Variants in WWP2 observed in about 807,000 individuals in gnomAD.
WWP2 encodes the protein WW domain containing E3 ubiquitin protein ligase 2.
Under a neutral mutation model 121.0 loss-of-function variants are expected in WWP2, and 57 were observed. The ratio of observed to expected loss-of-function variants is 0.47; its 90% confidence interval spans 0.38 to 0.59. WWP2 has a LOEUF of 0.59. WWP2 is among the 20% of genes least tolerant of loss of function. WWP2 has a pLI of 0.00. For synonymous variants in WWP2, 449 were observed against 441.3 expected, an observed-to-expected ratio of 1.02 and a Z score of -0.22; for missense variants, 962 against 1,158.9, an observed-to-expected ratio of 0.83 and a Z score of 2.47.
chr16:69,883,436 T>C (rs1408705789), intron 7 of WWP2, among the ~76,000 whole-genome samples: 1 of 150,314 alleles, frequency 6.7e-6, no homozygotes, highest in Non-Finnish European at 1.5e-5. Flanking sequence ...ACTCATTTAC[T>C]CCTACTTTTT....
At chr16:69,917,421 A>G (rs921253670) in intron 9 of WWP2, among the ~76,000 whole-genome samples, 1 of 152,214 alleles carries the variant, frequency 6.6e-6, no homozygotes, top group African/African-American at 2.4e-5. Context: ...CTGGCTCAAC[A>G]TACATCACAT....
intron 8 of WWP2, among the ~76,000 whole-genome samples, chr16:69,904,096 T>C (rs1296795159): frequency 2.0e-5 from 3 of 152,226 alleles, no homozygotes; most frequent in African/African-American, 7.2e-5. Flanking sequence ...TTAATACTTA[T>C]CCTTAAGCCA....
At chr16:69,858,048 G>A (rs1952653986) in intron 6 of WWP2, among the ~76,000 whole-genome samples, 1 of 152,036 alleles carries the variant, frequency 6.6e-6, no homozygotes, top group African/African-American at 2.4e-5. Flanking sequence ...TTATTTTGTA[G>A]TGGAGAATGG....
intron 2 of WWP2, among the ~76,000 whole-genome samples, chr16:69,791,208 C>T (rs563241975): frequency 6.6e-6 from 1 of 151,594 alleles, no homozygotes; most frequent in South Asian, 2.1e-4. Flanking sequence ...GCCACGCACA[C>T]TTACTTCTTT....
intron 6 of WWP2, among the ~76,000 whole-genome samples, chr16:69,862,943 G>T (rs1371122515): frequency 1.3e-5 from 2 of 151,730 alleles, no homozygotes; most frequent in African/African-American, 4.8e-5. Flanking sequence ...GCCAGGCTGG[G>T]TTTGCACTCT....
intron 10 of WWP2, among the ~76,000 whole-genome samples, chr16:69,922,375 A>C (rs745881597): frequency 2.6e-5 from 4 of 152,148 alleles, no homozygotes; most frequent in Non-Finnish European, 4.4e-5. Flanking sequence ...TATTACTGGA[A>C]CTTTGTGCTT....
intron 1 of WWP2, among the ~76,000 whole-genome samples, chr16:69,771,449 G>C (rs967435822): frequency 1.3e-5 from 2 of 152,136 alleles, no homozygotes; most frequent in Non-Finnish European, 2.9e-5. Flanking sequence ...GTTTCCCCAT[G>C]TTGGCCAGGC....
intron 7 of WWP2, 46 bp downstream of exon 7, chr16:69,871,977 C>T: frequency 6.3e-7 from 1 of 1,585,090 alleles, no homozygotes; most frequent in East Asian, 2.3e-5. Context: ...GCTGTGGGCT[C>T]TCACCCGTTC....
intron 8 of WWP2, among the ~76,000 whole-genome samples, chr16:69,889,149 A>G (rs1398430589): frequency 1.4e-5 from 2 of 147,418 alleles, no homozygotes; most frequent in Admixed American, 1.4e-4. Flanking sequence ...TCCTGCCTAC[A>G]CACACACACA....
At chr16:69,882,999 A>C (rs2057857905) in intron 7 of WWP2, among the ~76,000 whole-genome samples, 1 of 151,944 alleles carries the variant, frequency 6.6e-6, no homozygotes, top group African/African-American at 2.4e-5. Flanking sequence ...CTAAAAATAC[A>C]AAAATTAGCC....
chr16:69,798,983 T>C lies in WWP2; in HGVS notation c.218+154T>C, dbSNP rs141753291. The C allele has an allele frequency of 1.9e-4, 250 of 1,344,956 alleles. 1 individual carries two copies. In the East Asian group the frequency reaches 4.9e-3, roughly 26 times the overall value. The allele number at this position is 1,344,956 out of a possible 1,614,324, so 83.3% of individuals were successfully genotyped here. Reference sequence around the variant, plus strand: ...ACTCTTTTTAGGTGTTCCTACACCATTGAGCTCATAGAGCGTTCATTATTA... The same window carrying C: ...ACTCTTTTTAGGTGTTCCTACACCACTGAGCTCATAGAGCGTTCATTATTA... On this transcript the variant is annotated intron_variant, in intron 3 of 23. Transcript: ENST00000359154.
intron 7 of WWP2, among the ~76,000 whole-genome samples, chr16:69,881,393 G>A (rs2057827310): frequency 6.6e-6 from 1 of 152,210 alleles, no homozygotes; most frequent in South Asian, 2.1e-4. Context: ...TAAGGGCATT[G>A]GGAGGATCAA....
Position 69,799,963 on chromosome 16 carries a change from TG to T in WWP2, c.340+670del, listed in dbSNP as rs2056127090. ...CCTCTATTCAGAGCAGTACCATATG[TG>T]GCGAATGAATGGCATGGAAAGAAAG... On this transcript the variant is annotated intron_variant, in intron 4 of 23. Transcript: ENST00000359154. This position sits in a 1 kb window ranked among gnomAD's most constrained non-coding sequence, Gnocchi z 4.5. 6.6e-6 allele frequency among the ~76,000 whole-genome samples: 1 copy of T among 150,644 alleles called. No individual in the cohort carries two copies. The highest frequency in any genetic ancestry group is 1.5e-5 in the Non-Finnish European group (1 of 67,884).
chr16:69,802,594 C>G (rs2056191603), intron 4 of WWP2, among the ~76,000 whole-genome samples: 1 of 112,936 alleles, frequency 8.9e-6, no homozygotes, highest in Admixed American at 1.2e-4. Context: ...GAAGATTTTT[C>G]TTTCCTTTTG....
intron 4 of WWP2, among the ~76,000 whole-genome samples, chr16:69,811,873 A>G (rs1233535841): frequency 6.6e-6 from 1 of 152,220 alleles, no homozygotes. Context: ...TGTTCTTCTG[A>G]GCCATTTTAG....
chr16:69,828,891 T>A (rs985981802), intron 4 of WWP2, among the ~76,000 whole-genome samples: 6 of 152,162 alleles, frequency 3.9e-5, no homozygotes, highest in Admixed American at 1.3e-4. Context: ...TTTGAATCAC[T>A]TCTGAGCTCT....
intron 4 of WWP2, among the ~76,000 whole-genome samples, chr16:69,805,779 C>A (rs982220098): frequency 4.6e-5 from 6 of 130,650 alleles, no homozygotes; most frequent in Admixed American, 2.3e-4. Flanking sequence ...AATTTTTTTT[C>A]TTTTTTTTTT....
At chr16:69,801,408 A>C (rs1387248529) in intron 4 of WWP2, among the ~76,000 whole-genome samples, 1 of 151,422 alleles carries the variant, frequency 6.6e-6, no homozygotes, top group Non-Finnish European at 1.5e-5. Context: ...GCTGTATTTC[A>C]TATTTTTAGT....
intron 22 of WWP2, 61 bp from the exon 23 acceptor site, chr16:69,939,280 G>A: frequency 1.2e-6 from 2 of 1,605,660 alleles, no homozygotes; most frequent in South Asian, 2.2e-5. Flanking sequence ...TGGAGCCGGA[G>A]GATCCTGCTT....
Sources: gnomAD v4.1 joint callset for allele counts (sites outside exome capture counted in the v4.1 genomes callset) on GRCh38, gnomAD v4.1.1 for gene constraint, Gnocchi (gnomAD v3.1) non-coding constraint, MANE v1.5 for transcripts, NCBI Gene and HGNC (gene_info 2026-07-23, HGNC 2026-07-21) for gene names.